TRERF1: variants seen among roughly 807,000 people sequenced by gnomAD.
The protein encoded by TRERF1 is transcriptional-regulating factor 1.
Under a neutral mutation model 122.9 loss-of-function variants are expected in TRERF1, and 27 were observed. That is an observed-to-expected ratio of 0.22 (90% CI 0.16 to 0.30). The LOEUF (loss-of-function observed/expected upper bound fraction) is 0.30, where lower values mean the gene tolerates loss of function less well. Ranked by LOEUF, TRERF1 falls within the 10% of genes least tolerant of loss-of-function variation. The pLI is 1.00. For synonymous variants in TRERF1, 636 were observed against 641.7 expected (o/e 0.99, Z 0.13); for missense variants, 1,248 against 1,560.3 (o/e 0.80, Z 3.37).
intron 5 of TRERF1, among the ~76,000 whole-genome samples, chr6:42,267,166 A>AAAACC (rs377231909): frequency 6.6e-6 from 1 of 150,994 alleles, no homozygotes; most frequent in Non-Finnish European, 1.5e-5. Flanking sequence ...TCTACAAAAC[A>AAAACC]AAACCAAACC....
intron 3 of TRERF1, among the ~76,000 whole-genome samples, chr6:42,351,747 G>A (rs1769486159): frequency 6.6e-6 from 1 of 152,140 alleles, no homozygotes; most frequent in South Asian, 2.1e-4. Flanking sequence ...GGAATGGAAA[G>A]TGATTTGAGC....
At chr6:42,257,326 G>A (rs73733127) in intron 10 of TRERF1, among the ~76,000 whole-genome samples, 4,337 of 152,272 alleles carry the variant, frequency 0.028, 220 homozygotes, top group African/African-American at 0.098. Context: ...GGGGGCAGTC[G>A]GCCTGGGGCT....
intron 2 of TRERF1, among the ~76,000 whole-genome samples, chr6:42,400,420 C>T (rs1332145011): frequency 6.6e-6 from 1 of 152,182 alleles, no homozygotes; most frequent in Non-Finnish European, 1.5e-5. Flanking sequence ...AGCAGTTTCA[C>T]CCCATCTCAT....
intron 4 of TRERF1, among the ~76,000 whole-genome samples, chr6:42,297,632 T>C (rs1785337916): frequency 6.6e-6 from 1 of 152,212 alleles, no homozygotes; most frequent in African/African-American, 2.4e-5. Context: ...TAACCATAGC[T>C]GGACTTCACA....
intron 2 of TRERF1, among the ~76,000 whole-genome samples, chr6:42,395,481 CT>C (rs1400061694): frequency 6.6e-6 from 1 of 152,172 alleles, no homozygotes; most frequent in Non-Finnish European, 1.5e-5. Flanking sequence ...TGTGGCCACC[CT>C]TTGGTCCCAT....
chr6:42,373,439 G>A (rs1015207288), intron 2 of TRERF1, among the ~76,000 whole-genome samples: 20 of 152,308 alleles, frequency 1.3e-4, no homozygotes, highest in African/African-American at 2.2e-4. Context: ...AGGCCAAGGC[G>A]GGTGGATCAT....
At chr6:42,365,411 T>C (rs906847382) in intron 2 of TRERF1, among the ~76,000 whole-genome samples, 2 of 152,072 alleles carry the variant, frequency 1.3e-5, no homozygotes, top group South Asian at 2.1e-4. Flanking sequence ...CCCCAAGCAG[T>C]TCCATCTCTT....
At chr6:42,300,369 C>G (rs2150241831) in intron 4 of TRERF1, among the ~76,000 whole-genome samples, 1 of 152,290 alleles carries the variant, frequency 6.6e-6, no homozygotes, top group African/African-American at 2.4e-5. Flanking sequence ...TAAGACCTGT[C>G]CAAGGTCCCA....
intron 15 of TRERF1, among the ~76,000 whole-genome samples, chr6:42,241,870 G>A (rs181741441): frequency 2.0e-5 from 3 of 152,190 alleles, no homozygotes; most frequent in Non-Finnish European, 4.4e-5. Context: ...CAAGGCAGGA[G>A]GACTGCTTAA....
intron 4 of TRERF1, among the ~76,000 whole-genome samples, chr6:42,278,334 G>A (rs1291905890): frequency 2.0e-5 from 3 of 152,218 alleles, no homozygotes; most frequent in Non-Finnish European, 4.4e-5. Flanking sequence ...AACTGATGTG[G>A]CTGAGCACTT....
chr6:42,353,071 T>C (rs1462048334), intron 3 of TRERF1, among the ~76,000 whole-genome samples: 1 of 152,196 alleles, frequency 6.6e-6, no homozygotes, highest in Non-Finnish European at 1.5e-5. Context: ...TAGTCCTAGC[T>C]ACTTGGGAGG....
chr6:42,299,114 G>C (rs75161784), intron 4 of TRERF1, among the ~76,000 whole-genome samples: 2 of 95,972 alleles, frequency 2.1e-5, no homozygotes, highest in Non-Finnish European at 4.3e-5. Flanking sequence ...CTGTCTGTCT[G>C]TCTCTATCTA....
At chr6:42,252,890 T>C (rs1472143725) in intron 13 of TRERF1, among the ~76,000 whole-genome samples, 1 of 152,196 alleles carries the variant, frequency 6.6e-6, no homozygotes, top group Non-Finnish European at 1.5e-5. Flanking sequence ...TAGGTGAGTA[T>C]GTTTCTCTTG....
Position 42,393,174 on chromosome 6 carries a change from C to T in TRERF1, c.-453-30095G>A, listed in dbSNP as rs1219168066. 1.3e-5 allele frequency among the ~76,000 whole-genome samples: 2 copies of T among 152,176 alleles called. No individual in the cohort carries two copies. The highest frequency in any genetic ancestry group is 6.5e-5 in the Admixed American group (1 of 15,280). The stretch of plus-strand genomic sequence containing the variant: ...TGGGCCAAGTGGTCAGTGCTAACAA[C>T]CAGCATCTTTGTAGTACTTCAGGTT... On this transcript the variant is annotated intron_variant, in intron 2 of 17. Transcript: ENST00000372922. The surrounding 1 kb of genome is among the most constrained non-coding windows in gnomAD (Gnocchi z 4.1).
At chr6:42,255,335 G>C (rs1582592310) in intron 12 of TRERF1, among the ~76,000 whole-genome samples, 1 of 152,236 alleles carries the variant, frequency 6.6e-6, no homozygotes, top group African/African-American at 2.4e-5. Context: ...AGAAACAGCT[G>C]CATCAGTAAT....
chr6:42,436,813 AAATATATATATATATATATAT>A (rs1280220277), intron 2 of TRERF1, among the ~76,000 whole-genome samples: 2 of 106,910 alleles, frequency 1.9e-5, no homozygotes, highest in East Asian at 3.0e-4. Context: ...AAAAAAAAAA[AAATATATATATATATATATAT>A]ATATATATAT....
chr6:42,273,716 C>A (rs1008505386), intron 4 of TRERF1, among the ~76,000 whole-genome samples: 1 of 152,242 alleles, frequency 6.6e-6, no homozygotes, highest in African/African-American at 2.4e-5. Context: ...TGACATCCAA[C>A]AGTATTATCC....
At chr6:42,239,293 A>C (rs1294320743) in intron 15 of TRERF1, among the ~76,000 whole-genome samples, 1 of 152,090 alleles carries the variant, frequency 6.6e-6, no homozygotes, top group African/African-American at 2.4e-5. Context: ...AATTGTGCTA[A>C]ATTTTGATCA....
At chr6:42,355,603 A>C (rs1414028822) in intron 3 of TRERF1, among the ~76,000 whole-genome samples, 1 of 152,230 alleles carries the variant, frequency 6.6e-6, no homozygotes, top group Non-Finnish European at 1.5e-5. Flanking sequence ...AGTTTATATA[A>C]CATAGGAATT....
Sources: allele counts gnomAD v4.1 joint callset (sites outside exome capture counted in the v4.1 genomes callset), GRCh38; gene constraint gnomAD v4.1.1; non-coding constraint Gnocchi (gnomAD v3.1); transcripts MANE v1.5; gene names NCBI Gene and HGNC (gene_info 2026-07-23, HGNC 2026-07-21).